MGA: variants seen among roughly 807,000 people sequenced by gnomAD.
MGA encodes MAX gene-associated protein.
Under a neutral mutation model 261.1 loss-of-function variants are expected in MGA, and 40 were observed. The ratio of observed to expected loss-of-function variants is 0.15; its 90% CI spans 0.12 to 0.20. The LOEUF is 0.20. Ranked by LOEUF, MGA falls within the 10% of genes least tolerant of loss-of-function variation. MGA has a pLI of 1.00. For synonymous variants in MGA, 1,302 were observed against 1,290.6 expected, an observed-to-expected ratio of 1.01 and a Z score of -0.19; for missense variants, 3,397 against 3,630.5, an observed-to-expected ratio of 0.94 and a Z score of 1.65.
At chr15:41,759,800 C>G (rs1318018489) in intron 19 of MGA, among the ~76,000 whole-genome samples, 1 of 151,946 alleles carries the variant, frequency 6.6e-6, no homozygotes, top group Non-Finnish European at 1.5e-5. Flanking sequence ...GATAAGTAAT[C>G]TAGGTACAGG....
Position 41,635,525 on chromosome 15 carries a change from T to C in MGA, c.-68+14227T>C, listed in dbSNP as rs1018986953. Reference sequence around the variant, plus strand: ...AGGCAACATAGTGAGACCCCCCCCCTCCTATAAAAAATTTTAAAAAATTAG... The same window carrying C: ...AGGCAACATAGTGAGACCCCCCCCCCCCTATAAAAAATTTTAAAAAATTAG... On this transcript the variant is annotated intron_variant, in intron 1 of 8. Coordinates refer to the MGA transcript ENST00000566718. Among the ~76,000 whole-genome samples the C allele has an allele frequency of 2.0e-3, 279 of 142,442 alleles. 2 individuals are homozygous for C. Among genetic ancestry groups the C allele is most frequent in the East Asian group, 0.012 (47 of 3,852 alleles). The allele number at this position is 142,442 out of a possible 152,430, so 93.4% of individuals were successfully genotyped here.
intron 1 of MGA, among the ~76,000 whole-genome samples, chr15:41,654,033 G>A (rs1373918953): frequency 6.6e-6 from 1 of 152,098 alleles, no homozygotes; most frequent in African/African-American, 2.4e-5. Flanking sequence ...TCTTAATCTT[G>A]TGGCTGTCCT....
At chr15:41,672,548 A>T (rs867739100) in intron 2 of MGA, among the ~76,000 whole-genome samples, 2 of 152,232 alleles carry the variant, frequency 1.3e-5, no homozygotes, top group Non-Finnish European at 2.9e-5. Context: ...CAGATTTATT[A>T]ACGTATAGTA....
At chr15:41,730,500 G>A (rs1011050847) in intron 11 of MGA, among the ~76,000 whole-genome samples, 10 of 151,946 alleles carry the variant, frequency 6.6e-5, no homozygotes, top group Admixed American at 4.6e-4. Context: ...CAATAATAGG[G>A]AATAGTTTTC....
rs117173748 is a variant in MGA, at chr15:41,673,504, T to C, written c.1064+3546T>C. Among the ~76,000 whole-genome samples, 814 of 151,272 alleles carry C rather than the reference T, an allele frequency of 5.4e-3. 5 individuals are homozygous for C. The highest frequency in any genetic ancestry group is 8.8e-3 in the Non-Finnish European group (600 of 67,820). On this transcript the variant is annotated intron_variant, in intron 2 of 23. Transcript: ENST00000219905. ...AAGTGGTAGGATTACAGGCGTGAGC[T>C]ACCATGCCCAGCTGTTGTAGTCTTT...
chr15:41,717,620 C>G (rs1331420945), intron 9 of MGA, among the ~76,000 whole-genome samples: 1 of 152,150 alleles, frequency 6.6e-6, no homozygotes, highest in African/African-American at 2.4e-5. Flanking sequence ...GAGAATTGAA[C>G]TTGTAGTGGA....
chr15:41,736,597 C>A lies in MGA; in HGVS notation c.4333C>A (p.His1445Asn). 1 of 1,613,992 alleles carries A rather than the reference C, an allele frequency of 6.2e-7. No homozygotes were observed. The highest frequency in any genetic ancestry group is 8.5e-7 in the Non-Finnish European group (1 of 1,179,894). Residue 1445 changes from histidine (H) to asparagine (N), a missense_variant, in exon 13 of 24, where the codon CAT becomes AAT. Physicochemically the swap from His to Asn is moderately conservative, Grantham distance 68 (BLOSUM62 1). Around this residue, in one of 9 missense-constraint regions of MGA, gnomAD observed 1,410 missense variants for 1,386.4 expected, o/e 1.02. Coordinates refer to ENST00000219905, the MANE Select transcript of MGA (RefSeq NM_001164273.2). ...CCTGGATTCAGTGAGGGAGAGATTA[C>A]ATGGAGGCAAAGGTCTGCCTTTTTA... is the stretch of plus-strand genomic sequence containing the variant.
At chr15:41,722,102 T>G (rs1432577072) in intron 9 of MGA, among the ~76,000 whole-genome samples, 2 of 150,312 alleles carry the variant, frequency 1.3e-5, no homozygotes, top group African/African-American at 4.9e-5. Context: ...TCCATTAATA[T>G]AAACTTTTAA....
At chr15:41,712,373 G>A (rs1363052020) in intron 8 of MGA, among the ~76,000 whole-genome samples, 1 of 152,028 alleles carries the variant, frequency 6.6e-6, no homozygotes, top group Non-Finnish European at 1.5e-5. Flanking sequence ...TACCACGCCT[G>A]GCTAATTTTT....
chr15:41,683,221 T>C (rs892380104), intron 2 of MGA, among the ~76,000 whole-genome samples: 1 of 152,026 alleles, frequency 6.6e-6, no homozygotes, highest in African/African-American at 2.4e-5. Context: ...TGTACTGTGC[T>C]TTATTTTTTT....
At chr15:41,622,182 A>G (rs1313227604) in intron 1 of MGA, among the ~76,000 whole-genome samples, 1 of 152,002 alleles carries the variant, frequency 6.6e-6, no homozygotes, top group Non-Finnish European at 1.5e-5. Context: ...TGTGTGGTGT[A>G]CTGGGATGAG....
intron 2 of MGA, among the ~76,000 whole-genome samples, chr15:41,684,059 A>G (rs1226888022): frequency 1.3e-5 from 2 of 152,110 alleles, no homozygotes; most frequent in Non-Finnish European, 2.9e-5. Context: ...CTTATTGCCT[A>G]TATGTATGTT....
In MGA at chr15:41,710,802, C is replaced by T. The variant is rs1324923239; in HGVS notation, c.2537C>T (p.Ser846Phe). ...ATGGAAACAAGCATGGGTTTTTCTT[C>T]TAATGCTCCCACATCTCCTGTGGTG... The change falls in exon 8 of 24, where the codon TCT (serine) becomes TTT (phenylalanine). Residue 846 changes from serine (S) to phenylalanine (F), a missense_variant. By Grantham distance (155) the Ser-to-Phe change is radical (BLOSUM62 -2). This residue lies in a region of MGA where 519 missense variants were observed against 554.1 expected (regional missense o/e 0.94). Transcript: ENST00000219905. 1.9e-6 allele frequency: 3 copies of T among 1,613,834 alleles called. No individual in the cohort carries two copies. The highest frequency in any genetic ancestry group is 8.5e-7 in the Non-Finnish European group (1 of 1,179,854).
chr15:41,737,713 G>T (rs1450334403), intron 13 of MGA, among the ~76,000 whole-genome samples: 1 of 152,160 alleles, frequency 6.6e-6, no homozygotes, highest in East Asian at 1.9e-4. Context: ...GAGCGCAGTG[G>T]CTTACGCCTG....
Position 41,749,768 on chromosome 15 carries a change from C to G in MGA, c.6161C>G (p.Thr2054Ser). Residue 2054 changes from threonine (T) to serine (S), a missense_variant, in exon 17 of 24, where the codon ACT becomes AGT. Physicochemically the swap from Thr to Ser is moderately conservative, Grantham distance 58. This residue lies in a region of MGA where 1,410 missense variants were observed against 1,386.4 expected (regional missense o/e 1.02). Transcript: ENST00000219905. Reference sequence around the variant, plus strand: ...AAACCATCTGAGCATTCCTGTATCACTGGGTCACATACAGATCAAGATTAT... The same window carrying G: ...AAACCATCTGAGCATTCCTGTATCAGTGGGTCACATACAGATCAAGATTAT... The G allele has an allele frequency of 6.2e-7, 1 of 1,613,946 alleles. No individual in the cohort carries two copies. Among genetic ancestry groups the G allele is most frequent in the Non-Finnish European group, 8.5e-7 (1 of 1,179,882 alleles).
Position 41,711,128 on chromosome 15 carries a change from G to A in MGA, c.2863G>A (p.Val955Ile). The change falls in exon 8 of 24, where the codon GTT becomes ATT. Residue 955 changes from valine (V) to isoleucine (I), a missense_variant. By Grantham distance (29) the Val-to-Ile change is conservative. Transcript: ENST00000219905. ...CTCAGAAAATCAGGCGAATAACTTT[G>A]TTGTGCCAACTTTGGATGAAAATAT... The A allele has an allele frequency of 6.2e-7, 1 of 1,614,016 alleles. No individual in the cohort carries two copies. Among genetic ancestry groups the A allele is most frequent in the South Asian group, 1.1e-5 (1 of 91,086 alleles).
At chr15:41,672,865 T>C (rs896488931) in intron 2 of MGA, among the ~76,000 whole-genome samples, 3 of 92,686 alleles carry the variant, frequency 3.2e-5, no homozygotes, top group Non-Finnish European at 7.4e-5. Flanking sequence ...CACATGCGTG[T>C]GCACACACAC....
At chr15:41,674,254 T>C in intron 2 of MGA, among the ~76,000 whole-genome samples, 1 of 152,068 alleles carries the variant, frequency 6.6e-6, no homozygotes, top group South Asian at 2.1e-4. Context: ...TGGAATATAG[T>C]GGCGCGATCT....
At position 41,711,115 on chromosome 15, in the gene MGA, G is replaced by A. The variant is rs367710550; in HGVS notation, c.2850G>A (p.Gln950=). 2.5e-5 allele frequency: 40 copies of A among 1,613,866 alleles called. No homozygotes were observed. The highest frequency in any genetic ancestry group is 1.6e-4 in the Middle Eastern group (1 of 6,084). Residue 950 remains glutamine, a synonymous_variant, in exon 8 of 24, where the codon CAG becomes CAA. Transcript: ENST00000219905. ...CTTCAGGCATCATCTCAGAAAATCA[G>A]GCGAATAACTTTGTTGTGCCAACTT...
Sources: gnomAD v4.1 joint callset for allele counts (sites outside exome capture counted in the v4.1 genomes callset) on GRCh38, gnomAD v4.1.1 for gene constraint, gnomAD v4.1.1 regional missense constraint, MANE v1.5 for transcripts, NCBI Gene and HGNC (gene_info 2026-07-23, HGNC 2026-07-21) for gene names.